CYRIA: variants seen among roughly 807,000 people sequenced by gnomAD.
The protein encoded by CYRIA is CYFIP related Rac1 interactor A, also known as CYFIP-related Rac1 interactor A.
A neutral mutation model predicts 43.9 loss-of-function variants in CYRIA; 15 were observed. The observed-to-expected ratio is 0.34, with a 90% CI of 0.23 to 0.53. The LOEUF (loss-of-function observed/expected upper bound fraction) is 0.53, where lower values mean the gene tolerates loss of function less well. Among genes scored for constraint, CYRIA ranks in the 20% least tolerant of loss-of-function variants. The pLI is 0.94. For synonymous variants in CYRIA, 117 were observed against 136.0 expected, an observed-to-expected ratio of 0.86 and a Z score of 0.97; for missense variants, 236 against 394.2, an observed-to-expected ratio of 0.60 and a Z score of 3.40.
intron 2 of CYRIA, among the ~76,000 whole-genome samples, chr2:16,619,153 G>A (rs1230131676): frequency 6.6e-6 from 1 of 152,136 alleles, no homozygotes; most frequent in Non-Finnish European, 1.5e-5. Context: ...GGCACAACTG[G>A]GGAAGTGTGC....
At chr2:16,640,376 T>C (rs1437564303) in intron 1 of CYRIA, among the ~76,000 whole-genome samples, 1 of 152,206 alleles carries the variant, frequency 6.6e-6, no homozygotes, top group Non-Finnish European at 1.5e-5. Flanking sequence ...AAATCAGTGA[T>C]GATACCATTG....
intron 1 of CYRIA, among the ~76,000 whole-genome samples, chr2:16,630,066 C>T (rs1669283941): frequency 6.6e-6 from 1 of 152,242 alleles, no homozygotes; most frequent in Admixed American, 6.5e-5. Context: ...GCAGAAGATA[C>T]CAACCCTTAT....
chr2:16,642,594 G>A (rs906302485), intron 1 of CYRIA, among the ~76,000 whole-genome samples: 7 of 151,992 alleles, frequency 4.6e-5, no homozygotes, highest in East Asian at 1.9e-4. Context: ...GGGACCCTCC[G>A]CTAGAACACG....
intron 1 of CYRIA, chr2:16,625,648 T>C (rs1252931190): frequency 3.3e-5 from 5 of 152,186 alleles, no homozygotes; most frequent in Non-Finnish European, 1.5e-5. Flanking sequence ...GGCACAGGGA[T>C]GTTTTCCACA....
chr2:16,573,255 C>A (rs1045911155), intron 3 of CYRIA, among the ~76,000 whole-genome samples: 6 of 152,156 alleles, frequency 3.9e-5, no homozygotes, highest in Non-Finnish European at 7.3e-5. Context: ...GGGATGTGTA[C>A]AACAATGAGG....
At chr2:16,598,357 T>A (rs1397565726) in intron 2 of CYRIA, among the ~76,000 whole-genome samples, 1 of 86,534 alleles carries the variant, frequency 1.2e-5, no homozygotes, top group Non-Finnish European at 2.1e-5. Flanking sequence ...TCCACATCAC[T>A]TTCAGGTACA....
chr2:16,647,025 T>C (rs1449487908), intron 1 of CYRIA, among the ~76,000 whole-genome samples: 3 of 152,250 alleles, frequency 2.0e-5, no homozygotes, highest in Non-Finnish European at 4.4e-5. Context: ...TGAGCCCCTA[T>C]AACCATGTTG....
Position 16,588,027 on chromosome 2 carries a change from T to C in CYRIA, c.70+23A>G, listed in dbSNP as rs184498132. On this transcript the variant is annotated intron_variant, in intron 3 of 11. Transcript: ENST00000381323. ...TATAAGGAATGTAAAAAAGTTTCCA[T>C]TATTATAATTTTTGGAACTTACTTT... is the stretch of plus-strand genomic sequence containing the variant. The C allele has an allele frequency of 2.3e-3, 3,403 of 1,486,026 alleles. 8 individuals are homozygous for C. The highest frequency in any genetic ancestry group is 2.8e-3 in the Non-Finnish European group (2,958 of 1,073,542). The allele number at this position is 1,486,026 out of a possible 1,614,324, so 92.1% of individuals were successfully genotyped here.
intron 5 of CYRIA, among the ~76,000 whole-genome samples, chr2:16,563,372 T>A (rs1230950189): frequency 6.6e-6 from 1 of 152,144 alleles, no homozygotes; most frequent in Non-Finnish European, 1.5e-5. Flanking sequence ...TCTTAATCTG[T>A]GGCACTCATT....
chr2:16,630,318 T>C (rs536873843), intron 1 of CYRIA, among the ~76,000 whole-genome samples: 1 of 152,266 alleles, frequency 6.6e-6, no homozygotes, highest in Admixed American at 6.5e-5. Context: ...CACTGTACTC[T>C]ACAGCAAAGG....
chr2:16,564,581 G>T (rs1440269081), intron 4 of CYRIA, among the ~76,000 whole-genome samples: 1 of 152,114 alleles, frequency 6.6e-6, no homozygotes, highest in Non-Finnish European at 1.5e-5. Context: ...ACTCCGCCTT[G>T]TCTGAGTTTC....
chr2:16,649,249 C>T (rs1187863391), intron 1 of CYRIA, among the ~76,000 whole-genome samples: 6 of 152,110 alleles, frequency 3.9e-5, no homozygotes, highest in Non-Finnish European at 8.8e-5. Flanking sequence ...ATATAAGGGA[C>T]TTGATCTTCT....
At chr2:16,623,706 T>A (rs1014312910) in intron 2 of CYRIA, among the ~76,000 whole-genome samples, 158 bp downstream of exon 2, 2 of 152,218 alleles carry the variant, frequency 1.3e-5, no homozygotes, top group Non-Finnish European at 2.9e-5. Context: ...ATAGCACAGA[T>A]CCCACTCAGA....
chr2:16,593,716 GTGTT>G (rs1241814051), intron 2 of CYRIA, among the ~76,000 whole-genome samples: 9,084 of 86,778 alleles, frequency 0.1, 450 homozygotes, highest in African/African-American at 0.17. Context: ...TTGTGTGTGT[GTGTT>G]TTTTTTTTTT....
intron 1 of CYRIA, among the ~76,000 whole-genome samples, chr2:16,662,691 G>T (rs1670289533): frequency 6.6e-6 from 1 of 152,174 alleles, no homozygotes; most frequent in Non-Finnish European, 1.5e-5. Flanking sequence ...GCTCACAAGG[G>T]CTGATGTGTG....
intron 1 of CYRIA, among the ~76,000 whole-genome samples, chr2:16,664,177 G>A (rs1397362278): frequency 6.6e-6 from 1 of 152,146 alleles, no homozygotes; most frequent in African/African-American, 2.4e-5. Context: ...TGATGCTGCT[G>A]CTGCCCCCTT....
chr2:16,634,139 C>T (rs895369897), intron 1 of CYRIA, among the ~76,000 whole-genome samples: 1 of 152,192 alleles, frequency 6.6e-6, no homozygotes, highest in Non-Finnish European at 1.5e-5. Flanking sequence ...GACAGCCAGC[C>T]GATCCACTAA....
intron 2 of CYRIA, chr2:16,623,118 C>CATG (rs1669050935): frequency 6.6e-6 from 1 of 152,136 alleles, no homozygotes; most frequent in South Asian, 2.1e-4. Flanking sequence ...GACTCCTGAC[C>CATG]ATGATTCCTT....
At chr2:16,651,332 T>C (rs1669971325) in intron 1 of CYRIA, among the ~76,000 whole-genome samples, 1 of 152,210 alleles carries the variant, frequency 6.6e-6, no homozygotes, top group African/African-American at 2.4e-5. Context: ...ATTATCATCC[T>C]AGAAAAATTA....
Sources: allele counts gnomAD v4.1 joint callset (sites outside exome capture counted in the v4.1 genomes callset), GRCh38; gene constraint gnomAD v4.1.1; transcripts MANE v1.5; gene names NCBI Gene and HGNC (gene_info 2026-07-23, HGNC 2026-07-21).